The following COLEC12 variants were observed in gnomAD, a reference collection of about 807,000 sequenced individuals.
The protein encoded by COLEC12 is collectin subfamily member 12, also known as collectin-12.
A neutral mutation model predicts 71.1 loss-of-function variants in COLEC12; 33 were observed. That is an observed-to-expected ratio of 0.46 (90% CI 0.35 to 0.62). The LOEUF is 0.62. Ranked by LOEUF, COLEC12 falls within the 20% of genes least tolerant of loss-of-function variation. COLEC12 has a pLI of 0.00. For missense variants in COLEC12, 765 were observed against 916.1 expected (o/e 0.84, Z 2.13); for synonymous variants, 350 against 353.0 (o/e 0.99, Z 0.10).
In COLEC12 at chr18:351,295, GT is replaced by G. The variant is rs112424198; in HGVS notation, c.182-3133del. Among the ~76,000 whole-genome samples, 1,184 of 145,198 alleles carry G rather than the reference GT, an allele frequency of 8.2e-3. 4 individuals are homozygous for G. The highest frequency in any genetic ancestry group is 0.013 in the Non-Finnish European group (889 of 65,886). Reference sequence around the variant, plus strand: ...CTCTCTACCTAGAATGTTCTTCCCTGTTTTTTTTTTTTACTGAGCTAAGTCC... The same window carrying G: ...CTCTCTACCTAGAATGTTCTTCCCTGTTTTTTTTTTTACTGAGCTAAGTCC... On this transcript the variant is annotated intron_variant, in intron 3 of 9. Transcript: ENST00000400256.
intron 2 of COLEC12, among the ~76,000 whole-genome samples, chr18:371,347 C>T (rs1463124004): frequency 6.6e-6 from 1 of 152,184 alleles, no homozygotes. Context: ...CAGAGGACTA[C>T]TGCATAGAAG....
At chr18:320,186 C>A in intron 9 of COLEC12, 122 bp from the exon 10 acceptor site, 2 of 586,728 alleles carry the variant, frequency 3.4e-6, no homozygotes, top group South Asian at 2.3e-5. Flanking sequence ...TTCAACAATG[C>A]TTATATTTTC....
At chr18:413,901 A>G (rs1915939264) in intron 2 of COLEC12, among the ~76,000 whole-genome samples, 2 of 152,276 alleles carry the variant, frequency 1.3e-5, no homozygotes, top group Non-Finnish European at 2.9e-5. Context: ...ACCAATCATG[A>G]ATGGTTATAT....
intron 8 of COLEC12, 35 bp from the exon 9 acceptor site, chr18:321,842 C>G: frequency 6.3e-7 from 1 of 1,589,556 alleles, no homozygotes; most frequent in Non-Finnish European, 8.6e-7. Context: ...GTTATTTGCA[C>G]AGTAATGCAG....
intron 2 of COLEC12, among the ~76,000 whole-genome samples, chr18:396,878 CTCT>C (rs1915583085): frequency 6.6e-6 from 1 of 152,228 alleles, no homozygotes; most frequent in Admixed American, 6.5e-5. Context: ...TCAAAACCCA[CTCT>C]CCACCTTTGC....
In COLEC12 at chr18:362,223, G is replaced by A. The variant is rs150246333; in HGVS notation, c.59-4701C>T. On this transcript the variant is annotated intron_variant, in intron 2 of 9. Coordinates refer to ENST00000400256, the MANE Select transcript of COLEC12 (RefSeq NM_130386.3). This position sits in a 1 kb window ranked among gnomAD's most constrained non-coding sequence, Gnocchi z 4.6. ...CAAAGAGCTGGGGCACTTCCTCACC[G>A]TGTGCATTTCTCACTGCTGACTCTA... is the stretch of plus-strand genomic sequence containing the variant. 2.1e-3 allele frequency among the ~76,000 whole-genome samples: 322 copies of A among 152,260 alleles called. 2 individuals are homozygous for A. Among genetic ancestry groups the A allele is most frequent in the African/African-American group, 7.2e-3 (299 of 41,554 alleles).
At chr18:443,678 T>C (rs988037075) in intron 2 of COLEC12, among the ~76,000 whole-genome samples, 9 of 152,142 alleles carry the variant, frequency 5.9e-5, no homozygotes, top group African/African-American at 2.2e-4. Context: ...TCTGTTAGCA[T>C]GGGAAGGAGA....
At chr18:444,869 G>A (rs185615320) in intron 2 of COLEC12, among the ~76,000 whole-genome samples, 15 of 152,218 alleles carry the variant, frequency 9.9e-5, no homozygotes, top group Non-Finnish European at 1.3e-4. Context: ...TTGCAGTTTC[G>A]AAGGGTATGC....
At chr18:413,787 T>C (rs985462717) in intron 2 of COLEC12, among the ~76,000 whole-genome samples, 1 of 152,226 alleles carries the variant, frequency 6.6e-6, no homozygotes, top group Non-Finnish European at 1.5e-5. Context: ...ACAGTACATA[T>C]AACCTGATGG....
At chr18:381,359 T>C (rs1915227829) in intron 2 of COLEC12, among the ~76,000 whole-genome samples, 1 of 152,204 alleles carries the variant, frequency 6.6e-6, no homozygotes, top group African/African-American at 2.4e-5. Context: ...AAAGAAATGA[T>C]AAATACTTGA....
At chr18:390,117 C>A (rs1034665609) in intron 2 of COLEC12, among the ~76,000 whole-genome samples, 3 of 152,180 alleles carry the variant, frequency 2.0e-5, no homozygotes, top group African/African-American at 7.2e-5. Context: ...CCATCTCAAC[C>A]GAGGCAGTTC....
At chr18:477,069 T>C (rs1917319744) in intron 2 of COLEC12, among the ~76,000 whole-genome samples, 3 of 152,172 alleles carry the variant, frequency 2.0e-5, no homozygotes, top group South Asian at 4.1e-4. Context: ...GCTTGGTATA[T>C]GGAAAGACTG....
At chr18:409,652 G>A (rs1205285828) in intron 2 of COLEC12, among the ~76,000 whole-genome samples, 1 of 152,156 alleles carries the variant, frequency 6.6e-6, no homozygotes, top group African/African-American at 2.4e-5. Flanking sequence ...CTTATATCAT[G>A]AACACACTTT....
rs1204473101 is a variant in COLEC12, at chr18:346,781, C to T, written c.841G>A (p.Asp281Asn). The T allele has an allele frequency of 2.5e-6, 4 of 1,614,100 alleles. No homozygotes were observed. Among genetic ancestry groups the T allele is most frequent in the African/African-American group, 1.3e-5 (1 of 74,946 alleles). The change falls in exon 5 of 10, where the codon GAC becomes AAC. Residue 281 changes from aspartate to asparagine, a missense_variant. By Grantham distance (23) the Asp-to-Asn change is conservative (BLOSUM62 1). Transcript: ENST00000400256. The surrounding 1 kb of genome is among the most constrained non-coding windows in gnomAD (Gnocchi z 4.0). ...TGGCTGTTCATATCCTCCAGGGTGT[C>T]GTTGTTGGCTTTGGCCAACGCAGAG... ...NNSALAKANN[D>N]TLEDMNSQLN... is the part of the protein sequence containing the mutation.
At chr18:467,026 T>G (rs551881882) in intron 2 of COLEC12, among the ~76,000 whole-genome samples, 66 of 152,352 alleles carry the variant, frequency 4.3e-4, no homozygotes, top group African/African-American at 1.5e-3. Context: ...AGAAAAAGAC[T>G]TTCAATTTAT....
At chr18:442,002 TACACACACACACACACACACAC>T (rs56024245) in intron 2 of COLEC12, among the ~76,000 whole-genome samples, 12 of 120,796 alleles carry the variant, frequency 9.9e-5, no homozygotes, top group South Asian at 2.9e-4. Flanking sequence ...TCTCTCTCTC[TACACACACACACACACACACAC>T]ACACACACAC....
At position 319,842 on chromosome 18, in the gene COLEC12, G is replaced by A; in HGVS notation, c.*203C>T. 1 of 579,480 alleles carries A rather than the reference G, an allele frequency of 1.7e-6. No homozygotes were observed. Among genetic ancestry groups the A allele is most frequent in the Non-Finnish European group, 3.0e-6 (1 of 329,266 alleles). 35.9% of individuals were successfully genotyped at this position (579,480 alleles called of 1,614,324 possible). ...CAGTCCATGTGCACAATGAAAATCAGCATATCACCCTGGGGAACATTTTAG... is the reference window on the plus strand; with the variant it reads ...CAGTCCATGTGCACAATGAAAATCAACATATCACCCTGGGGAACATTTTAG... On this transcript the variant is annotated 3_prime_UTR_variant, in exon 10 of 10. Transcript: ENST00000400256.
At chr18:415,801 G>GA (rs937310621) in intron 2 of COLEC12, among the ~76,000 whole-genome samples, 17 of 152,254 alleles carry the variant, frequency 1.1e-4, no homozygotes, top group Non-Finnish European at 2.1e-4. Flanking sequence ...AAGAGAAGTG[G>GA]AAAAAATAGC....
rs113699478 is a variant in COLEC12 at position 410,442 on chromosome 18, C to CT, written c.59-52921dup. The stretch of plus-strand genomic sequence containing the variant: ...AACAACACATGGCTGAGTTGTTCTT[C>CT]TTTTTTTTTTTTTTAAGACGGAGTC... On this transcript the variant is annotated intron_variant, in intron 2 of 9. Transcript: ENST00000400256. Among the ~76,000 whole-genome samples, 264 of 144,542 alleles carry CT rather than the reference C, an allele frequency of 1.8e-3. 2 individuals are homozygous for CT. The highest frequency in any genetic ancestry group is 9.1e-3 in the Admixed American group (132 of 14,512). The allele number at this position is 144,542 out of a possible 152,430, so 94.8% of individuals were successfully genotyped here. A position where few individuals can be genotyped will look rare whatever the true frequency, so the allele number is the denominator to read the frequency against.
Sources: gnomAD v4.1 joint callset for allele counts (sites outside exome capture counted in the v4.1 genomes callset) on GRCh38, gnomAD v4.1.1 for gene constraint, Gnocchi (gnomAD v3.1) non-coding constraint, MANE v1.5 for transcripts, NCBI Gene and HGNC (gene_info 2026-07-23, HGNC 2026-07-21) for gene names.